The following ORC1 variants were observed in gnomAD, a reference collection of about 807,000 sequenced individuals.
ORC1 encodes origin recognition complex subunit 1.
In ORC1, 61 loss-of-function variants were observed where a neutral mutation model predicts 98.9. The ratio of observed to expected loss-of-function variants is 0.62; its 90% CI spans 0.50 to 0.76. The LOEUF is 0.76. Among genes scored for constraint, ORC1 ranks in the 30% least tolerant of loss-of-function variants. The probability of loss-of-function intolerance (pLI) is 0.00; values close to 1 mark genes in which losing one functional copy is unlikely to be tolerated. For missense variants in ORC1, 979 were observed against 1,072.2 expected, an observed-to-expected ratio of 0.91 and a Z score of 1.21; for synonymous variants, 385 against 406.9, an observed-to-expected ratio of 0.95 and a Z score of 0.65.
upstream of ORC1, chr1:52,405,621 C>G: frequency 1.3e-6 from 2 of 1,544,820 alleles, no homozygotes; most frequent in Non-Finnish European, 1.8e-6. Flanking sequence ...TGAACTAACT[C>G]CACTCCAACT....
chr1:52,400,174 C>T (rs1308049834), intron 3 of ORC1, among the ~76,000 whole-genome samples: 1 of 152,176 alleles, frequency 6.6e-6, no homozygotes, highest in Non-Finnish European at 1.5e-5. Flanking sequence ...TCCTCCTTAT[C>T]TATGTGCAGT....
chr1:52,390,398 C>T (rs1326921556), intron 6 of ORC1, among the ~76,000 whole-genome samples: 6 of 152,192 alleles, frequency 3.9e-5, no homozygotes, highest in Admixed American at 3.3e-4. Context: ...AAGCCAAATA[C>T]TTATAGCCGA....
At chr1:52,385,677 G>A (rs779775509) in intron 9 of ORC1, among the ~76,000 whole-genome samples, 175 bp downstream of exon 9, 4 of 152,210 alleles carry the variant, frequency 2.6e-5, no homozygotes, top group Non-Finnish European at 4.4e-5. Flanking sequence ...CCCAGATGCT[G>A]CCTGAGAGGT....
chr1:52,398,539 C>T (rs1250942475), intron 3 of ORC1, among the ~76,000 whole-genome samples: 1 of 152,098 alleles, frequency 6.6e-6, no homozygotes, highest in Non-Finnish European at 1.5e-5. Flanking sequence ...GCTGGGATTA[C>T]AGGCATGAGC....
intron 5 of ORC1, among the ~76,000 whole-genome samples, chr1:52,395,764 C>T (rs970729458): frequency 4.6e-5 from 7 of 152,130 alleles, no homozygotes; most frequent in Admixed American, 6.5e-5. Flanking sequence ...TACAATAAGT[C>T]GTGATTGTGC....
Position 52,396,302 on chromosome 1 carries a change from A to G in ORC1, c.465T>C (p.Phe155=). ...TCTTCTCATTCCAGGATAGTTTCACAAAGAGTGTCTTCTCATTTTTCAGAT... is the reference window on the plus strand; with the variant it reads ...TCTTCTCATTCCAGGATAGTTTCACGAAGAGTGTCTTCTCATTTTTCAGAT... ...PTNLKNEKTL[F]VKLSWNEKKF... Residue 155 remains phenylalanine, a synonymous_variant, in exon 5 of 17, where the codon TTT becomes TTC. Coordinates refer to ENST00000371568, the MANE Select transcript of ORC1 (RefSeq NM_004153.4). 6.2e-7 allele frequency: 1 copy of G among 1,614,208 alleles called. No individual in the cohort carries two copies. The highest frequency in any genetic ancestry group is 8.5e-7 in the Non-Finnish European group (1 of 1,180,034).
At position 52,388,448 on chromosome 1, in the gene ORC1, C is replaced by T. The variant is rs1350418787; in HGVS notation, c.1377G>A (p.Lys459=). Reference sequence around the variant, plus strand: ...AAACCTAGAAGAACCTTACACTCTTCTTTGGCACCTTCGTGAGGGTATGTA... The same window carrying T: ...AAACCTAGAAGAACCTTACACTCTTTTTTGGCACCTTCGTGAGGGTATGTA... ...SSLHTLTKVP[K]KSLKPRTPRC... The change falls in exon 8 of 17, where the codon AAG becomes AAA. Residue 459 remains lysine (K), a synonymous_variant. Transcript: ENST00000371568. 4 of 1,613,644 alleles carry T rather than the reference C, an allele frequency of 2.5e-6. No individual in the cohort carries two copies. The African/African-American group carries it at 5.3e-5, about 22-fold the overall frequency.
In ORC1 at chr1:52,393,735, G is replaced by A. The variant is rs181880288; in HGVS notation, c.790C>T (p.Arg264Trp). Residue 264 changes from arginine (R) to tryptophan (W), a missense_variant, in exon 6 of 17, where the codon CGG becomes TGG. Physicochemically the swap from Arg to Trp is moderately radical, Grantham distance 101. Transcript: ENST00000371568. Reference protein sequence around the residue: ...ASLDSPGRIKRKVAFSEITSP... With the variant: ...ASLDSPGRIKWKVAFSEITSP... ...GTGATCTCCGAGAAGGCCACTTTCCGTTTTATTCTTCCTGGAGAATCCAAG... is the reference window on the plus strand; with the variant it reads ...GTGATCTCCGAGAAGGCCACTTTCCATTTTATTCTTCCTGGAGAATCCAAG... 1.4e-5 allele frequency: 23 copies of A among 1,613,982 alleles called. No individual in the cohort carries two copies. The Middle Eastern group carries it at 6.6e-4, about 46-fold the overall frequency.
At chr1:52,379,820 C>G in intron 14 of ORC1, among the ~76,000 whole-genome samples, 1 of 152,004 alleles carries the variant, frequency 6.6e-6, no homozygotes, top group East Asian at 2.0e-4. Context: ...ATAGTCCCAG[C>G]TACTTGGGAG....
intron 6 of ORC1, 47 bp from the exon 7 acceptor site, chr1:52,389,368 G>T: frequency 7.2e-7 from 1 of 1,379,372 alleles, no homozygotes; most frequent in South Asian, 1.2e-5. Flanking sequence ...TTGGATACCA[G>T]AGTGTACAAA....
chr1:52,378,677 C>A (rs1307836560), intron 14 of ORC1, among the ~76,000 whole-genome samples: 1 of 150,536 alleles, frequency 6.6e-6, no homozygotes, highest in Non-Finnish European at 1.5e-5. Flanking sequence ...ACAATGACAA[C>A]AACAACCCAC....
At chr1:52,391,908 AC>A (rs574633186) in intron 6 of ORC1, among the ~76,000 whole-genome samples, 1,614 of 151,620 alleles carry the variant, frequency 0.011, 27 homozygotes, top group African/African-American at 0.037. Flanking sequence ...AAAAAAAAAA[AC>A]AAAAGGTAAA....
At chr1:52,407,492 A>G (rs1432757803), upstream of ORC1, among the ~76,000 whole-genome samples, 3 of 152,282 alleles carry the variant, frequency 2.0e-5, no homozygotes, top group Admixed American at 6.5e-5. Flanking sequence ...TGATTTGACC[A>G]GTAGTGTCAC....
upstream of ORC1, chr1:52,404,454 G>A: frequency 3.6e-6 from 1 of 278,232 alleles, no homozygotes; most frequent in Non-Finnish European, 6.9e-6. Context: ...AATCGGCGTG[G>A]CCCCGCCCCC....
At chr1:52,389,106 G>A in intron 7 of ORC1, 111 bp downstream of exon 7, 3 of 836,576 alleles carry the variant, frequency 3.6e-6, no homozygotes, top group Non-Finnish European at 6.1e-6. Context: ...CTAGGTAAAA[G>A]GTCAATTTCA....
chr1:52,379,877 A>G (rs1402233338), intron 14 of ORC1, among the ~76,000 whole-genome samples: 4 of 152,094 alleles, frequency 2.6e-5, no homozygotes, highest in Admixed American at 2.6e-4. Flanking sequence ...AGGTTGCGGT[A>G]AGCCGAAATT....
chr1:52,402,663 G>A (rs1647771874), intron 1 of ORC1, among the ~76,000 whole-genome samples: 1 of 152,232 alleles, frequency 6.6e-6, no homozygotes, highest in Admixed American at 6.5e-5. Context: ...GCTGGGCGCA[G>A]TGGCTCACGC....
At chr1:52,391,092 C>G (rs1415231326) in intron 6 of ORC1, among the ~76,000 whole-genome samples, 1 of 151,062 alleles carries the variant, frequency 6.6e-6, no homozygotes, top group Non-Finnish European at 1.5e-5. Flanking sequence ...AGGTGGATCA[C>G]AAGGTCAGGA....
upstream of ORC1, among the ~76,000 whole-genome samples, chr1:52,406,543 A>T (rs1346792169): frequency 6.6e-6 from 1 of 152,178 alleles, no homozygotes; most frequent in East Asian, 1.9e-4. Context: ...TGGAGAGGTT[A>T]CTTAATTTTC....
Sources: gnomAD v4.1 joint callset for allele counts (sites outside exome capture counted in the v4.1 genomes callset) on GRCh38, gnomAD v4.1.1 for gene constraint, MANE v1.5 for transcripts, NCBI Gene and HGNC (gene_info 2026-07-23, HGNC 2026-07-21) for gene names.